The following TET3 variants were observed in gnomAD, a reference collection of about 807,000 sequenced individuals.
The protein encoded by TET3 is tet methylcytosine dioxygenase 3.
In TET3, 19 loss-of-function variants were observed where a neutral mutation model predicts 141.4. That is an observed-to-expected ratio of 0.13 (90% CI 0.09 to 0.20). The LOEUF is 0.20. Ranked by LOEUF, TET3 falls within the 10% of genes least tolerant of loss-of-function variation. The pLI is 1.00. For missense variants in TET3, 1,874 were observed against 2,356.9 expected (o/e 0.80, Z 4.24); for synonymous variants, 1,043 against 980.9 (o/e 1.06, Z -1.18).
intron 11 of TET3, 111 bp downstream of exon 11, chr2:74,099,723 A>G: frequency 8.6e-7 from 1 of 1,159,216 alleles, no homozygotes; most frequent in Non-Finnish European, 1.2e-6. Flanking sequence ...CCTCTGCTTA[A>G]TTGTCAGTCA....
Position 74,085,443 on chromosome 2 carries a change from G to A in TET3, c.2680-2387G>A, listed in dbSNP as rs573457571. 2.6e-5 allele frequency among the ~76,000 whole-genome samples: 4 copies of A among 152,302 alleles called. No individual in the cohort carries two copies. The East Asian group carries it at 7.7e-4, about 29-fold the overall frequency. Reference sequence around the variant, plus strand: ...GGGTCTCCCAGCACGATCCACTCGTGACCAGGTCTGTCTGCAACCCAGCAT... The same window carrying A: ...GGGTCTCCCAGCACGATCCACTCGTAACCAGGTCTGTCTGCAACCCAGCAT... On this transcript the variant is annotated intron_variant, in intron 6 of 11. Transcript: ENST00000409262.
chr2:74,049,521 A>C (rs1382122131), intron 4 of TET3, among the ~76,000 whole-genome samples: 1 of 152,108 alleles, frequency 6.6e-6, no homozygotes, highest in Non-Finnish European at 1.5e-5. Flanking sequence ...CACTCTGTTT[A>C]GGGAGTGTTC....
In TET3 at chr2:74,103,730, G is replaced by T. The variant is rs1165543706; in HGVS notation, c.*1554G>T. 6.5e-6 allele frequency: 1 copy of T among 153,562 alleles called. No individual in the cohort carries two copies. Among genetic ancestry groups the T allele is most frequent in the Non-Finnish European group, 1.5e-5 (1 of 68,034 alleles). 9.5% of individuals were successfully genotyped at this position (153,562 alleles called of 1,614,324 possible). A position where few individuals can be genotyped will look rare whatever the true frequency, so the allele number is the denominator to read the frequency against. ...ATCATCACCAAGTCAAACTTTGTTG[G>T]AGTGTTGGTTTTTCTTGTGATATTA... On this transcript the variant is annotated 3_prime_UTR_variant, in exon 12 of 12. Transcript: ENST00000409262.
intron 7 of TET3, among the ~76,000 whole-genome samples, chr2:74,088,851 C>T (rs565620301): frequency 2.0e-5 from 3 of 152,180 alleles, no homozygotes; most frequent in East Asian, 1.9e-4. Context: ...GAGGCCAAGG[C>T]GGGTGGATCG....
At position 74,070,293 on chromosome 2, in the gene TET3, C is replaced by T. The variant is rs181297868; in HGVS notation, c.2495-3256C>T. Among the ~76,000 whole-genome samples, 6 of 152,324 alleles carry T rather than the reference C, an allele frequency of 3.9e-5. No individual in the cohort carries two copies. In the East Asian group the frequency reaches 1.2e-3, roughly 29 times the overall value. On this transcript the variant is annotated intron_variant, in intron 4 of 11. Coordinates refer to ENST00000409262, the MANE Select transcript of TET3 (RefSeq NM_001287491.2). ...CTCACAATCATGGTGAGAGGCATGT[C>T]TTACATGGCAGCAGACAAGAGAGAA...
chr2:74,003,938 C>T (rs1685010928), intron 3 of TET3, among the ~76,000 whole-genome samples: 3 of 152,046 alleles, frequency 2.0e-5, no homozygotes, highest in Admixed American at 1.3e-4. Context: ...AGATATTCCT[C>T]CCACGTTGGC....
chr2:74,097,773 T>C (rs1031957547), intron 10 of TET3, among the ~76,000 whole-genome samples: 4 of 152,060 alleles, frequency 2.6e-5, no homozygotes, highest in African/African-American at 7.2e-5. Context: ...CAGGGAAATA[T>C]TGGTTTGGTG....
intron 3 of TET3, among the ~76,000 whole-genome samples, chr2:74,037,219 CTCTT>C (rs1372175611): frequency 4.6e-5 from 7 of 152,166 alleles, no homozygotes; most frequent in African/African-American, 1.2e-4. Context: ...CCCTAAAACT[CTCTT>C]TCTGCACTCG....
At chr2:74,108,332 C>T (rs1209421015), downstream of TET3, among the ~76,000 whole-genome samples, 1 of 152,176 alleles carries the variant, frequency 6.6e-6, no homozygotes, top group South Asian at 2.1e-4. Flanking sequence ...CATTCTGCCA[C>T]CTGGATAAAG....
Position 74,105,584 on chromosome 2 carries a change from C to T in TET3, c.*3408C>T. ...CATGGGTACTGCTTTGCCTTCTCACCAAGGTGACGATGGTGTGCGTGGAAA... is the reference window on the plus strand; with the variant it reads ...CATGGGTACTGCTTTGCCTTCTCACTAAGGTGACGATGGTGTGCGTGGAAA... On this transcript the variant is annotated 3_prime_UTR_variant, in exon 12 of 12. Coordinates refer to ENST00000409262, the MANE Select transcript of TET3 (RefSeq NM_001287491.2). 7.6e-6 allele frequency: 3 copies of T among 394,434 alleles called. No homozygotes were observed. The highest frequency in any genetic ancestry group is 1.3e-5 in the Non-Finnish European group (3 of 223,146). 24.4% of individuals were successfully genotyped at this position (394,434 alleles called of 1,614,324 possible). A position where few individuals can be genotyped will look rare whatever the true frequency, so the allele number is the denominator to read the frequency against.
intron 1 of TET3, 34 bp downstream of exon 1, chr2:73,985,191 T>TGGGGGAGGGGCG (rs1683939958): frequency 5.5e-4 from 25 of 45,364 alleles, no homozygotes; most frequent in Admixed American, 4.2e-3. Flanking sequence ...GGCTCCGGAG[T>TGGGGGAGGGGCG]GGGGGAGGGG....
chr2:74,011,758 G>T (rs1685446274), intron 3 of TET3, among the ~76,000 whole-genome samples: 1 of 151,950 alleles, frequency 6.6e-6, no homozygotes, highest in Admixed American at 6.6e-5. Context: ...TAGAAATAGG[G>T]CTGGGTGTGG....
chr2:74,037,925 T>C (rs1357234294), intron 3 of TET3, among the ~76,000 whole-genome samples: 2 of 152,250 alleles, frequency 1.3e-5, no homozygotes, highest in Admixed American at 6.5e-5. Flanking sequence ...TATCCTTCAC[T>C]GTGTTGTTGA....
Position 74,099,609 on chromosome 2 carries a change from C to A in TET3, c.3601C>A (p.Pro1201Thr), listed in dbSNP as rs1422712200. ...ALELAGITSD[P>T]GLSLKGGLSQ... ...GGAGCTGGCGGGCATTACGTCGGAC[C>A]CAGGTGTGTGGGGGGAGGGTGCCCG... Residue 1201 changes from proline to threonine, a missense_variant, in exon 11 of 12, where the codon CCA becomes ACA. Pro to Thr is a conservative substitution (Grantham distance 38). Transcript: ENST00000409262. 5.8e-6 allele frequency: 9 copies of A among 1,565,172 alleles called. No individual in the cohort carries two copies. In the African/African-American group the frequency reaches 1.1e-4, roughly 19 times the overall value.
Position 74,048,185 on chromosome 2 carries a change from A to T in TET3, c.2268A>T (p.Gln756His). 1 of 1,612,800 alleles carries T rather than the reference A, an allele frequency of 6.2e-7. No individual in the cohort carries two copies. The highest frequency in any genetic ancestry group is 1.1e-5 in the South Asian group (1 of 90,904). ...ESPFATRSPK[Q>H]IKIESSGAVT... is the part of the protein sequence containing the mutation. Reference sequence around the variant, plus strand: ...CCTTTGCTACCCGTTCCCCCAAGCAAATCAAGATTGAGTCTTCGGGGGCTG... The same window carrying T: ...CCTTTGCTACCCGTTCCCCCAAGCATATCAAGATTGAGTCTTCGGGGGCTG... The change falls in exon 4 of 12, where the codon CAA becomes CAT. Residue 756 changes from glutamine to histidine, a missense_variant. Transcript: ENST00000409262.
chr2:74,067,297 T>C (rs1444820848), intron 4 of TET3, among the ~76,000 whole-genome samples: 2 of 152,262 alleles, frequency 1.3e-5, no homozygotes, highest in Non-Finnish European at 2.9e-5. Context: ...ACAATTCTAT[T>C]ATGTAAAAAC....
At chr2:74,075,474 A>T (rs1689453813) in intron 5 of TET3, among the ~76,000 whole-genome samples, 1 of 151,650 alleles carries the variant, frequency 6.6e-6, no homozygotes. Context: ...GACTACAGGT[A>T]CATGCCACCA....
chr2:73,997,613 T>C (rs1684660839), intron 2 of TET3, among the ~76,000 whole-genome samples: 2 of 152,118 alleles, frequency 1.3e-5, no homozygotes, highest in Non-Finnish European at 2.9e-5. Context: ...CAAGGTCCCT[T>C]GTACTGGAGG....
chr2:73,986,403 C>T lies in TET3; in HGVS notation c.-1C>T. Reference sequence around the variant, plus strand: ...CCTATGACCCCACCTCTGGCAGCATCATGAGCCAGTTTCAGGTGCCCCTGG... The same window carrying T: ...CCTATGACCCCACCTCTGGCAGCATTATGAGCCAGTTTCAGGTGCCCCTGG... On this transcript the variant is annotated 5_prime_UTR_variant, in exon 2 of 12. Transcript: ENST00000409262. 1.6e-6 allele frequency: 2 copies of T among 1,232,140 alleles called. No homozygotes were observed. Among genetic ancestry groups the T allele is most frequent in the African/African-American group, 1.5e-5 (1 of 64,542 alleles). The allele number at this position is 1,232,140 out of a possible 1,614,324, so 76.3% of individuals were successfully genotyped here. A position where few individuals can be genotyped will look rare whatever the true frequency, so the allele number is the denominator to read the frequency against.
Sources: gnomAD v4.1 joint callset for allele counts (sites outside exome capture counted in the v4.1 genomes callset) on GRCh38, gnomAD v4.1.1 for gene constraint, MANE v1.5 for transcripts, NCBI Gene and HGNC (gene_info 2026-07-23, HGNC 2026-07-21) for gene names.